The following PKHD1 variants were observed in gnomAD, a reference collection of about 807,000 sequenced individuals.
PKHD1 encodes the protein PKHD1 ciliary IPT domain containing fibrocystin/polyductin.
In PKHD1, 291 loss-of-function variants were observed where a neutral mutation model predicts 412.0. The ratio of observed to expected loss-of-function variants is 0.71; its 90% CI spans 0.64 to 0.78. PKHD1 has a LOEUF of 0.78. Among genes scored for constraint, PKHD1 ranks in the 30% least tolerant of loss-of-function variants. The pLI is 0.00. For synonymous variants in PKHD1, 1,777 were observed against 1,821.5 expected, an observed-to-expected ratio of 0.98 and a Z score of 0.62; for missense variants, 4,825 against 4,950.7, an observed-to-expected ratio of 0.97 and a Z score of 0.76.
Position 52,043,634 on chromosome 6 carries a change from A to G in PKHD1, c.2812T>C (p.Tyr938His), listed in dbSNP as rs1805289559. The G allele has an allele frequency of 6.2e-7, 1 of 1,608,692 alleles. No individual in the cohort carries two copies. The highest frequency in any genetic ancestry group is 1.7e-5 in the Admixed American group (1 of 59,954). Reference protein sequence around the residue: ...GSTPCVHSVWYSIDGDINLMI... With the variant: ...GSTPCVHSVWHSIDGDINLMI... ...AAGTGACAAATCATACCAATGGAGTACCACACAGAATGGACACAGGGAGTT... is the reference window on the plus strand; with the variant it reads ...AAGTGACAAATCATACCAATGGAGTGCCACACAGAATGGACACAGGGAGTT... The change falls in exon 26 of 67, where the codon TAC (tyrosine) becomes CAC (histidine). Residue 938 changes from tyrosine (Y) to histidine (H), a missense_variant. Coordinates refer to ENST00000371117, the MANE Select transcript of PKHD1 (RefSeq NM_138694.4).
At chr6:51,688,675 T>C (rs1178636103) in intron 60 of PKHD1, among the ~76,000 whole-genome samples, 1 of 152,040 alleles carries the variant, frequency 6.6e-6, no homozygotes, top group African/African-American at 2.4e-5. Context: ...CCCACAGATA[T>C]ACAAACAACC....
In PKHD1 at chr6:51,880,779, TAAAAAAAAAA is replaced by T. The variant is rs71544105; in HGVS notation, c.7350+2304_7350+2313del. Among the ~76,000 whole-genome samples, 7 of 30,044 alleles carry T rather than the reference TAAAAAAAAAA, an allele frequency of 2.3e-4. 1 individual carries two copies. The highest frequency in any genetic ancestry group is 1.2e-3 in the African/African-American group (6 of 4,930). 19.7% of individuals were successfully genotyped at this position (30,044 alleles called of 152,430 possible). A position where few individuals can be genotyped will look rare whatever the true frequency, so the allele number is the denominator to read the frequency against. ...CTTAGAGTATAATAAAAAAAAAAAT[TAAAAAAAAAA>T]AAAAAAAAAAAAAAAAAACACAAAA... On this transcript the variant is annotated intron_variant, in intron 46 of 66. Transcript: ENST00000371117.
At chr6:51,631,803 C>T (rs927421179) in intron 65 of PKHD1, among the ~76,000 whole-genome samples, 2 of 152,010 alleles carry the variant, frequency 1.3e-5, no homozygotes, top group Non-Finnish European at 2.9e-5. Flanking sequence ...AAAATGGCAT[C>T]CACTTCTGGG....
At position 51,629,780 on chromosome 6, in the gene PKHD1, A is replaced by G. The variant is rs573265142; in HGVS notation, c.11666-2664T>C. 7.2e-5 allele frequency among the ~76,000 whole-genome samples: 11 copies of G among 152,256 alleles called. No individual in the cohort carries two copies. The East Asian group carries it at 1.2e-3, about 16-fold the overall frequency. The stretch of plus-strand genomic sequence containing the variant: ...TTTTTACTTGAAAGAGCTTGAAATA[A>G]TGATTGAGAAATTATGGTTATTCAT... On this transcript the variant is annotated intron_variant, in intron 65 of 66. Transcript: ENST00000371117.
chr6:52,001,648 G>C (rs960043544), intron 35 of PKHD1, among the ~76,000 whole-genome samples: 1 of 151,940 alleles, frequency 6.6e-6, no homozygotes, highest in African/African-American at 2.4e-5. Flanking sequence ...AGCCAGGATG[G>C]TCTCGATCTC....
intron 46 of PKHD1, among the ~76,000 whole-genome samples, 171 bp from the exon 47 acceptor site, chr6:51,870,810 A>T (rs1244170751): frequency 6.6e-6 from 1 of 152,086 alleles, no homozygotes; most frequent in Admixed American, 6.5e-5. Context: ...TATAGAAAGA[A>T]CTCTTAGGTT....
In PKHD1 at chr6:52,024,825, G is replaced by A; in HGVS notation, c.4985C>T (p.Ser1662Phe). Reference protein sequence around the residue: ...YNKAFTPELISISQSDDILTF... With the variant: ...YNKAFTPELIFISQSDDILTF... ...TAAGATGTCATCGCTCTGAGAAATA[G>A]AGATCAATTCTGGGGTAAAGGCCTT... Residue 1662 changes from serine to phenylalanine, a missense_variant, in exon 32 of 67, where the codon TCT (serine) becomes TTT (phenylalanine). Transcript: ENST00000371117. 6.2e-7 allele frequency: 1 copy of A among 1,614,200 alleles called. No individual in the cohort carries two copies. Among genetic ancestry groups the A allele is most frequent in the Non-Finnish European group, 8.5e-7 (1 of 1,180,044 alleles).
intron 60 of PKHD1, among the ~76,000 whole-genome samples, chr6:51,735,357 T>C (rs1197408139): frequency 6.6e-6 from 1 of 152,208 alleles, no homozygotes; most frequent in Non-Finnish European, 1.5e-5. Context: ...CCCTTCATGT[T>C]AAGGTTGTTG....
chr6:52,066,088 TAAAA>T lies in PKHD1; in HGVS notation c.779-15_779-12del. 10 of 959,032 alleles carry T rather than the reference TAAAA, an allele frequency of 1.0e-5. No homozygotes were observed. Among genetic ancestry groups the T allele is most frequent in the African/African-American group, 3.3e-5 (2 of 60,234 alleles). The allele number at this position is 959,032 out of a possible 1,614,324, so 59.4% of individuals were successfully genotyped here. A position where few individuals can be genotyped will look rare whatever the true frequency, so the allele number is the denominator to read the frequency against. On this transcript the variant is annotated splice_polypyrimidine_tract_variant and intron_variant, in intron 11 of 66. Coordinates refer to ENST00000371117, the MANE Select transcript of PKHD1 (RefSeq NM_138694.4). ...ACACAGATAATATTTCTGCAAGAGTTAAAAAAAAAAAAAAGTAAGCTTCCAAATA... is the reference window on the plus strand; with the variant it reads ...ACACAGATAATATTTCTGCAAGAGTTAAAAAAAAAAGTAAGCTTCCAAATA...
chr6:51,938,164 C>T (rs1787823191), intron 36 of PKHD1, among the ~76,000 whole-genome samples: 1 of 152,176 alleles, frequency 6.6e-6, no homozygotes, highest in Non-Finnish European at 1.5e-5. Context: ...TAAATGATTA[C>T]TAGCCATTGT....
chr6:51,745,895 G>A lies in PKHD1; in HGVS notation c.9998+826C>T, dbSNP rs6941367. 5.1e-3 allele frequency among the ~76,000 whole-genome samples: 778 copies of A among 152,166 alleles called. 9 individuals are homozygous for A. The highest frequency in any genetic ancestry group is 0.017 in the African/African-American group (724 of 41,520). On this transcript the variant is annotated intron_variant, in intron 59 of 66. Coordinates refer to ENST00000371117, the MANE Select transcript of PKHD1 (RefSeq NM_138694.4). ...CAACACAAATTGCCTACCTACTCAT[G>A]TTTAGGTACCTAATCATGATTCAGG...
At chr6:51,948,953 G>C (rs748481786) in intron 36 of PKHD1, among the ~76,000 whole-genome samples, 26 of 152,108 alleles carry the variant, frequency 1.7e-4, no homozygotes, top group Non-Finnish European at 2.8e-4. Flanking sequence ...AGAGAGAAAA[G>C]GTGCACAGCC....
At position 52,083,197 on chromosome 6, in the gene PKHD1, C is replaced by A; in HGVS notation, c.111G>T (p.Trp37Cys). ...ACCTACCATCAAAAATGACTGTGAT[C>A]CACGTTCCCCCTGCAAGGCTACCTT... ...PEEGSLAGGT[W>C]ITVIFDGLEL... is the part of the protein sequence containing the mutation. The change falls in exon 3 of 67, where the codon TGG becomes TGT. Residue 37 changes from tryptophan (W) to cysteine (C), a missense_variant. Coordinates refer to ENST00000371117, the MANE Select transcript of PKHD1 (RefSeq NM_138694.4). 6.2e-7 allele frequency: 1 copy of A among 1,609,548 alleles called. No homozygotes were observed. The highest frequency in any genetic ancestry group is 8.5e-7 in the Non-Finnish European group (1 of 1,175,832).
At position 52,058,615 on chromosome 6, in the gene PKHD1, A is replaced by G; in HGVS notation, c.1234-14T>C. 1 of 1,613,098 alleles carries G rather than the reference A, an allele frequency of 6.2e-7. No homozygotes were observed. Among genetic ancestry groups the G allele is most frequent in the Non-Finnish European group, 8.5e-7 (1 of 1,179,664 alleles). On this transcript the variant is annotated splice_polypyrimidine_tract_variant and intron_variant, in intron 15 of 66. Transcript: ENST00000371117. ...GGCCACTTTCACCTATGCCCAAATA[A>G]GCATATCATGATCAATACTATGCAG...
At chr6:51,941,760 A>G in intron 36 of PKHD1, among the ~76,000 whole-genome samples, 1 of 151,430 alleles carries the variant, frequency 6.6e-6, no homozygotes, top group African/African-American at 2.4e-5. Flanking sequence ...CTGGATCTCA[A>G]ACATGCTTTC....
At chr6:52,085,419 C>T (rs1297213405) in intron 1 of PKHD1, among the ~76,000 whole-genome samples, 1 of 152,174 alleles carries the variant, frequency 6.6e-6, no homozygotes, top group Non-Finnish European at 1.5e-5. Context: ...TGCAGCCACA[C>T]GCCGTTCTCA....
intron 53 of PKHD1, among the ~76,000 whole-genome samples, chr6:51,779,394 G>C (rs910841703): frequency 1.3e-5 from 2 of 152,028 alleles, no homozygotes; most frequent in Admixed American, 6.6e-5. Flanking sequence ...TGTCAACTAA[G>C]TCTGGGTTAA....
intron 52 of PKHD1, among the ~76,000 whole-genome samples, chr6:51,793,806 C>T (rs12203164): frequency 0.031 from 4,772 of 152,268 alleles, 99 homozygotes; most frequent in Non-Finnish European, 0.048. Flanking sequence ...CATGTCTTTG[C>T]TATTGTGAAT....
chr6:51,717,773 G>A (rs1781452193), intron 60 of PKHD1, among the ~76,000 whole-genome samples: 1 of 152,182 alleles, frequency 6.6e-6, no homozygotes, highest in Non-Finnish European at 1.5e-5. Context: ...GGCAGGGAAA[G>A]GAAGGAGACA....
Sources: allele counts gnomAD v4.1 joint callset (sites outside exome capture counted in the v4.1 genomes callset), GRCh38; gene constraint gnomAD v4.1.1; transcripts MANE v1.5; gene names NCBI Gene and HGNC (gene_info 2026-07-23, HGNC 2026-07-21).